Variants in FAAP20 observed in about 807,000 individuals in gnomAD.
FAAP20 encodes the protein FA core complex associated protein 20, also known as Fanconi anemia core complex-associated protein 20.
Under a neutral mutation model 16.2 loss-of-function variants are expected in FAAP20, and 12 were observed. The ratio of observed to expected loss-of-function variants is 0.74; its 90% CI spans 0.48 to 1.20. The LOEUF is 1.20. Among genes scored for constraint, FAAP20 ranks in the 50% most tolerant of loss-of-function variants. The pLI is 0.00. For missense variants in FAAP20, 288 were observed against 245.8 expected (o/e 1.17, Z -1.15); for synonymous variants, 141 against 110.7 (o/e 1.27, Z -1.72).
downstream of FAAP20, among the ~76,000 whole-genome samples, chr1:2,189,154 A>T (rs1420112638): frequency 1.3e-5 from 2 of 151,422 alleles, no homozygotes; most frequent in East Asian, 1.9e-4. Flanking sequence ...ACATGGCAAG[A>T]CCCCTCCATC....
upstream of FAAP20, among the ~76,000 whole-genome samples, chr1:2,202,030 A>AAAG (rs930711558): frequency 4.0e-5 from 6 of 151,860 alleles, no homozygotes; most frequent in Admixed American, 2.0e-4. Flanking sequence ...AAAAAAAAAA[A>AAAG]AAGAAGAAGA....
Position 2,189,961 on chromosome 1 carries a change from G to A in FAAP20, c.471-180C>T, listed in dbSNP as rs546287902. The A allele has an allele frequency of 1.6e-3, 1,053 of 641,760 alleles. 5 individuals are homozygous for A. Among genetic ancestry groups the A allele is most frequent in the Middle Eastern group, 7.1e-3 (25 of 3,540 alleles). 39.8% of individuals were successfully genotyped at this position (641,760 alleles called of 1,614,324 possible). On this transcript the variant is annotated intron_variant, in intron 3 of 3. Coordinates refer to ENST00000378546, the MANE Select transcript of FAAP20 (RefSeq NM_182533.4). ...CCGGCAGACCACGGTAACCGCCAGT[G>A]GTGTTTCCACACCGTGCCCGTGAGG... is the stretch of plus-strand genomic sequence containing the variant.
At chr1:2,187,327 C>T, downstream of FAAP20, 1 of 373,804 alleles carries the variant, frequency 2.7e-6, no homozygotes. Context: ...TTTTTTGAGA[C>T]AGAGTATTAC....
At chr1:2,186,490 A>G (rs1462987928), downstream of FAAP20, among the ~76,000 whole-genome samples, 3 of 109,826 alleles carry the variant, frequency 2.7e-5, no homozygotes, top group Admixed American at 9.3e-5. Flanking sequence ...GAGACCCTGG[A>G]CACCCGCCCC....
downstream of FAAP20, among the ~76,000 whole-genome samples, chr1:2,208,830 G>A (rs922733242): frequency 4.6e-5 from 7 of 152,212 alleles, no homozygotes; most frequent in Admixed American, 2.0e-4. Context: ...GGGTGGGACT[G>A]GAAACAAAGT....
chr1:2,187,725 C>A (rs897244555), downstream of FAAP20, among the ~76,000 whole-genome samples: 2 of 152,140 alleles, frequency 1.3e-5, no homozygotes, highest in African/African-American at 4.8e-5. Context: ...CCAGCCTCCC[C>A]CACCACAGGA....
downstream of FAAP20, among the ~76,000 whole-genome samples, chr1:2,208,310 C>T (rs1017615164): frequency 4.6e-5 from 7 of 152,084 alleles, no homozygotes; most frequent in Non-Finnish European, 5.9e-5. Context: ...TCCTCCAGCC[C>T]GCCTTCTGGT....
At chr1:2,186,495 C>T (rs1003937786), downstream of FAAP20, among the ~76,000 whole-genome samples, 3 of 117,388 alleles carry the variant, frequency 2.6e-5, no homozygotes, top group South Asian at 3.2e-4. Context: ...CCTGGACACC[C>T]GCCCCCCCCC....
chr1:2,201,261 C>G (rs2100735849), upstream of FAAP20: 1 of 1,173,754 alleles, frequency 8.5e-7, no homozygotes, highest in South Asian at 1.6e-5. Flanking sequence ...GTGGCCTGGG[C>G]CCTGCGCATC....
chr1:2,187,602 C>T (rs573120644), downstream of FAAP20, among the ~76,000 whole-genome samples: 1 of 152,298 alleles, frequency 6.6e-6, no homozygotes, highest in South Asian at 2.1e-4. Context: ...CCGCGCCCGG[C>T]CTGAAGCCAT....
chr1:2,211,226 C>CT (rs56294751), downstream of FAAP20, among the ~76,000 whole-genome samples: 491 of 101,070 alleles, frequency 4.9e-3, 5 homozygotes, highest in African/African-American at 0.011. Context: ...TTCTTTCTTT[C>CT]TTTTTTTTTT....
At chr1:2,193,378 C>T in intron 3 of FAAP20, 7 of 573,374 alleles carry the variant, frequency 1.2e-5, no homozygotes, top group Non-Finnish European at 3.0e-6. Flanking sequence ...GGACCCGGGG[C>T]CAGTGCTCCC....
At chr1:2,185,277 G>A (rs1395413361), downstream of FAAP20, 3 of 717,478 alleles carry the variant, frequency 4.2e-6, no homozygotes, top group Non-Finnish European at 7.8e-6. Context: ...CGAGGGGGCT[G>A]TCATGCGGTT....
At chr1:2,211,226 CTTTTTTT>C (rs56294751), downstream of FAAP20, among the ~76,000 whole-genome samples, 4 of 101,140 alleles carry the variant, frequency 4.0e-5, no homozygotes, top group East Asian at 2.8e-4. Context: ...TTCTTTCTTT[CTTTTTTT>C]TTTTTTTTTT....
chr1:2,187,801 C>T (rs902810211), downstream of FAAP20, among the ~76,000 whole-genome samples: 9 of 152,206 alleles, frequency 5.9e-5, no homozygotes, highest in Admixed American at 3.3e-4. Flanking sequence ...CCGCCCAGCT[C>T]GCCCAGGGCA....
At chr1:2,190,204 T>C in intron 3 of FAAP20, 2 of 464,026 alleles carry the variant, frequency 4.3e-6, no homozygotes, top group South Asian at 3.1e-5. Context: ...TAAACATGGC[T>C]GGGCAGTGGA....
At chr1:2,198,143 C>T (rs377282107), upstream of FAAP20, 253 of 1,289,414 alleles carry the variant, frequency 2.0e-4, 5 homozygotes, top group South Asian at 2.9e-3. Flanking sequence ...CGGAGTTTTG[C>T]TTTATTGGAA....
Position 2,193,636 on chromosome 1 carries a change from C to T in FAAP20, c.470+3G>A. ...GGGCCGGGCGCAGGGGTGGCCTACT[C>T]ACCTGGGGGCGAACTCCTTCTGGCA... On this transcript the variant is annotated splice_donor_region_variant and intron_variant, in intron 3 of 3. Coordinates refer to ENST00000378546, the MANE Select transcript of FAAP20 (RefSeq NM_182533.4). 1.3e-6 allele frequency: 2 copies of T among 1,593,586 alleles called. No individual in the cohort carries two copies. Among genetic ancestry groups the T allele is most frequent in the Non-Finnish European group, 1.7e-6 (2 of 1,175,280 alleles).
chr1:2,195,355 C>T (rs369944784), upstream of FAAP20, among the ~76,000 whole-genome samples: 175 of 152,330 alleles, frequency 1.1e-3, no homozygotes, highest in Non-Finnish European at 2.1e-3. Context: ...AAGTCGGCCA[C>T]GTGGTGGCAG....
Sources: allele counts gnomAD v4.1 joint callset (sites outside exome capture counted in the v4.1 genomes callset), GRCh38; gene constraint gnomAD v4.1.1; transcripts MANE v1.5; gene names NCBI Gene and HGNC (gene_info 2026-07-23, HGNC 2026-07-21).